DMD: variants seen among roughly 807,000 people sequenced by gnomAD.
DMD encodes dystrophin, also known as mutant dystrophin.
In DMD, 63 loss-of-function variants were observed where a neutral mutation model predicts 330.1. That is an observed-to-expected ratio of 0.19 (90% CI 0.16 to 0.24). The LOEUF (loss-of-function observed/expected upper bound fraction) is 0.24, where lower values mean the gene tolerates loss of function less well. Among genes scored for constraint, DMD ranks in the 10% least tolerant of loss-of-function variants. DMD has a pLI of 1.00. For synonymous variants in DMD, 1,223 were observed against 959.8 expected (o/e 1.27, Z -5.07); for missense variants, 3,344 against 2,684.1 (o/e 1.25, Z -5.43).
At chrX:32,708,268 T>C (rs887613738) in intron 7 of DMD, among the ~76,000 whole-genome samples, 7 of 107,499 alleles carry the variant, frequency 6.5e-5, no homozygotes, top group African/African-American at 2.2e-4. Flanking sequence ...AACGCAGATA[T>C]TGTACAAAAT....
intron 41 of DMD, among the ~76,000 whole-genome samples, chrX:32,312,544 C>T (rs775755579): frequency 1.8e-5 from 2 of 110,682 alleles, no homozygotes; most frequent in South Asian, 3.8e-4. Context: ...ATTTAACTTC[C>T]TTAAATGAAA....
intron 47 of DMD, among the ~76,000 whole-genome samples, chrX:31,917,071 C>A (rs1249902631): frequency 9.0e-6 from 1 of 111,402 alleles, no homozygotes; most frequent in Non-Finnish European, 1.9e-5. Flanking sequence ...TTGATAGCCA[C>A]TCTCTACCTC....
At chrX:32,455,400 G>A (rs1018274390) in intron 25 of DMD, among the ~76,000 whole-genome samples, 15 of 111,199 alleles carry the variant, frequency 1.3e-4, no homozygotes, top group African/African-American at 4.9e-4. Flanking sequence ...AAATCGAAGT[G>A]AATTAATGCA....
At chrX:31,214,926 A>ATTTTTTTTTT (rs1556299003) in intron 64 of DMD, among the ~76,000 whole-genome samples, 1 of 57,248 alleles carries the variant, frequency 1.7e-5, no homozygotes, top group African/African-American at 6.3e-5. Flanking sequence ...ATACTTTTTT[A>ATTTTTTTTTT]TTTCTTTTTT....
chrX:32,353,023 A>G (rs1011911922), intron 37 of DMD, among the ~76,000 whole-genome samples: 1 of 111,192 alleles, frequency 9.0e-6, no homozygotes, highest in Admixed American at 9.6e-5. Flanking sequence ...TATTATATCA[A>G]TCGGTAGTTT....
At chrX:32,363,735 A>C (rs184130587) in intron 36 of DMD, among the ~76,000 whole-genome samples, 2 of 112,403 alleles carry the variant, frequency 1.8e-5, no homozygotes, top group Admixed American at 1.9e-4. Context: ...GGTATATCGT[A>C]ATCTGTGGAA....
intron 4 of DMD, among the ~76,000 whole-genome samples, chrX:32,837,957 G>A (rs987264617): frequency 9.0e-6 from 1 of 111,695 alleles, no homozygotes; most frequent in African/African-American, 3.3e-5. Flanking sequence ...GAGATTTATT[G>A]ATAATGCTCA....
At chrX:31,992,632 T>C (rs1480669897) in intron 44 of DMD, among the ~76,000 whole-genome samples, 1 of 111,491 alleles carries the variant, frequency 9.0e-6, no homozygotes, top group African/African-American at 3.3e-5. Flanking sequence ...ACAACAAACC[T>C]TCCTCCACTA....
At chrX:32,223,426 C>A (rs920119692) in intron 43 of DMD, among the ~76,000 whole-genome samples, 1 of 111,986 alleles carries the variant, frequency 8.9e-6, no homozygotes, top group Non-Finnish European at 1.9e-5. Context: ...GAAAGAGACA[C>A]ATTCAAACTA....
At chrX:31,434,416 GCGCACACACACACACACACACA>G (rs2064329637) in intron 60 of DMD, among the ~76,000 whole-genome samples, 5 of 66,384 alleles carry the variant, frequency 7.5e-5, no homozygotes, top group South Asian at 8.8e-4. Context: ...TGCAGCGCGC[GCGCACACACACACACACACACA>G]CACACACACA....
intron 44 of DMD, among the ~76,000 whole-genome samples, chrX:32,093,046 T>C (rs1411977022): frequency 9.0e-6 from 1 of 111,449 alleles, no homozygotes; most frequent in East Asian, 2.8e-4. Context: ...TATTCAATAG[T>C]CTTGCTCATT....
chrX:31,609,921 T>C (rs975235740), intron 55 of DMD, among the ~76,000 whole-genome samples: 2 of 111,668 alleles, frequency 1.8e-5, no homozygotes, highest in Admixed American at 1.9e-4. Context: ...TTCTCTTTCC[T>C]TTGTTTCACT....
chrX:32,386,479 TAAAAC>T lies in DMD; in HGVS notation c.4519-19_4519-15del, dbSNP rs1569560631. ...TTTATACAAGTTCTAAGTTTAAACA[TAAAAC>T]AAAACATGATAATCAGTAGAGTTAA... On this transcript the variant is annotated splice_polypyrimidine_tract_variant and intron_variant, in intron 32 of 78. Coordinates refer to ENST00000357033, the MANE Select transcript of DMD (RefSeq NM_004006.3). 3 of 1,171,964 alleles carry T rather than the reference TAAAAC, an allele frequency of 2.6e-6. No individual in the cohort carries two copies. The highest frequency in any genetic ancestry group is 3.0e-5 in the East Asian group (1 of 33,470).
At chrX:32,813,147 C>G (rs1206802168) in intron 6 of DMD, among the ~76,000 whole-genome samples, 4 of 111,643 alleles carry the variant, frequency 3.6e-5, no homozygotes, top group Non-Finnish European at 7.5e-5. Flanking sequence ...CATTCTCATT[C>G]AAAAAGCATT....
chrX:31,778,657 G>A (rs973355717), intron 50 of DMD, among the ~76,000 whole-genome samples: 1 of 95,549 alleles, frequency 1.0e-5, no homozygotes, highest in Non-Finnish European at 2.0e-5. Context: ...TGCAATCTCT[G>A]CCTCGCGGGT....
chrX:32,077,238 G>T (rs1167382809), intron 44 of DMD, among the ~76,000 whole-genome samples: 1 of 110,839 alleles, frequency 9.0e-6, no homozygotes, highest in Non-Finnish European at 1.9e-5. Context: ...AAAGGGATGT[G>T]TTCAGTTTGT....
chrX:32,505,242 C>G (rs1056654738), intron 18 of DMD, among the ~76,000 whole-genome samples: 1 of 111,919 alleles, frequency 8.9e-6, no homozygotes, highest in Admixed American at 9.5e-5. Context: ...AAGCCACAGG[C>G]TCAAAGAAAA....
chrX:32,601,661 T>C (rs1436561905), intron 12 of DMD, among the ~76,000 whole-genome samples: 2 of 73,885 alleles, frequency 2.7e-5, no homozygotes, highest in African/African-American at 4.2e-5. Flanking sequence ...GTCAAAAGTG[T>C]AGCATCTGAA....
intron 52 of DMD, among the ~76,000 whole-genome samples, chrX:31,709,657 C>T (rs976454830): frequency 2.8e-5 from 3 of 105,561 alleles, no homozygotes; most frequent in Non-Finnish European, 5.8e-5. Context: ...GTCCTTATTT[C>T]ATTTAAGTTT....
Sources: allele counts gnomAD v4.1 joint callset (sites outside exome capture counted in the v4.1 genomes callset), GRCh38; gene constraint gnomAD v4.1.1; transcripts MANE v1.5; gene names NCBI Gene and HGNC (gene_info 2026-07-23, HGNC 2026-07-21).